CTNNA3: variants seen among roughly 807,000 people sequenced by gnomAD.
CTNNA3 encodes the protein catenin alpha-3.
In CTNNA3, 76 loss-of-function variants were observed where a neutral mutation model predicts 95.7. The observed-to-expected ratio is 0.79, with a 90% CI of 0.66 to 0.96. The LOEUF is 0.96. CTNNA3 is among the 40% of genes least tolerant of loss of function. The pLI, the probability that CTNNA3 is intolerant of heterozygous loss-of-function variation, is 0.00. For synonymous variants in CTNNA3, 431 were observed against 374.4 expected (o/e 1.15, Z -1.74); for missense variants, 1,191 against 1,089.8 (o/e 1.09, Z -1.31).
chr10:66,057,906 C>A (rs1257157622), intron 15 of CTNNA3, among the ~76,000 whole-genome samples: 1 of 151,698 alleles, frequency 6.6e-6, no homozygotes, highest in African/African-American at 2.4e-5. Flanking sequence ...GTATATTTAC[C>A]ACACATATGA....
intron 11 of CTNNA3, among the ~76,000 whole-genome samples, chr10:66,513,086 A>G (rs1440811623): frequency 3.3e-5 from 5 of 152,148 alleles, no homozygotes; most frequent in African/African-American, 1.2e-4. Context: ...TTCATTAAAT[A>G]AGTGGCCTAT....
At chr10:67,397,779 G>T (rs10159714) in intron 5 of CTNNA3, among the ~76,000 whole-genome samples, 10,247 of 152,268 alleles carry the variant, frequency 0.067, 481 homozygotes, top group African/African-American at 0.13. Context: ...TTGGGACTTG[G>T]TGCCCTGCAT....
intron 10 of CTNNA3, among the ~76,000 whole-genome samples, chr10:66,558,423 G>A (rs529895808): frequency 1.3e-5 from 2 of 152,212 alleles, no homozygotes; most frequent in Non-Finnish European, 2.9e-5. Flanking sequence ...ACTCTTTAAA[G>A]AGGTATATTG....
Position 66,724,831 on chromosome 10 carries a change from C to T in CTNNA3, c.1281+41433G>A, listed in dbSNP as rs555998299. 5.9e-5 allele frequency among the ~76,000 whole-genome samples: 9 copies of T among 152,246 alleles called. No homozygotes were observed. The East Asian group carries it at 1.5e-3, about 26-fold the overall frequency. On this transcript the variant is annotated intron_variant, in intron 9 of 17. Transcript: ENST00000433211. Reference sequence around the variant, plus strand: ...TAAATTAGAAAGTTAAACCTGTAATCAACAAATATGTGTATATGTAACCTA... The same window carrying T: ...TAAATTAGAAAGTTAAACCTGTAATTAACAAATATGTGTATATGTAACCTA...
rs1838887605 is a variant in CTNNA3 at position 67,269,894 on chromosome 10, T to C, written c.580-50024A>G. On this transcript the variant is annotated intron_variant, in intron 5 of 17. Transcript: ENST00000433211. ...GCATATCAAACCAATAATTTTCTGA[T>C]GCTGTTTTGGTATATCCTACAAACA... Among the ~76,000 whole-genome samples, 3 of 152,166 alleles carry C rather than the reference T, an allele frequency of 2.0e-5. No homozygotes were observed. In the South Asian group the frequency reaches 6.2e-4, roughly 31 times the overall value.
At chr10:66,800,646 C>T (rs1841394367) in intron 7 of CTNNA3, among the ~76,000 whole-genome samples, 1 of 151,036 alleles carries the variant, frequency 6.6e-6, no homozygotes, top group Non-Finnish European at 1.5e-5. Context: ...AAGAATATAA[C>T]ACAATTTTCT....
chr10:67,295,019 A>G (rs888738323), intron 5 of CTNNA3, among the ~76,000 whole-genome samples: 1 of 150,778 alleles, frequency 6.6e-6, no homozygotes. Flanking sequence ...AATGCCTTCA[A>G]CAACATCATA....
At chr10:67,275,936 G>A (rs1481037185) in intron 5 of CTNNA3, among the ~76,000 whole-genome samples, 1 of 152,040 alleles carries the variant, frequency 6.6e-6, no homozygotes, top group Non-Finnish European at 1.5e-5. Flanking sequence ...ACCTTAATAA[G>A]AATCCGAATG....
At chr10:67,195,087 A>C (rs1342737317) in intron 6 of CTNNA3, among the ~76,000 whole-genome samples, 1 of 151,146 alleles carries the variant, frequency 6.6e-6, no homozygotes, top group Non-Finnish European at 1.5e-5. Flanking sequence ...ACTTAAAATT[A>C]GCAGGGATGA....
intron 10 of CTNNA3, among the ~76,000 whole-genome samples, chr10:66,621,088 G>A (rs35786771): frequency 0.19 from 29,115 of 151,858 alleles, 3,099 homozygotes; most frequent in Non-Finnish European, 0.24. Flanking sequence ...CTGAATTACC[G>A]ACAAGAAAAT....
intron 7 of CTNNA3, among the ~76,000 whole-genome samples, chr10:66,953,061 C>T (rs1316040753): frequency 6.6e-6 from 1 of 152,076 alleles, no homozygotes; most frequent in African/African-American, 2.4e-5. Flanking sequence ...TGAGAAACAA[C>T]TCTAGTGTAC....
chr10:67,738,944 A>T (rs1421190597), intron 1 of CTNNA3, among the ~76,000 whole-genome samples: 1 of 152,232 alleles, frequency 6.6e-6, no homozygotes, highest in Non-Finnish European at 1.5e-5. Context: ...GGACTATGTG[A>T]AAAGACCAAA....
chr10:66,037,815 A>G (rs1286345370), intron 15 of CTNNA3, among the ~76,000 whole-genome samples: 1 of 152,022 alleles, frequency 6.6e-6, no homozygotes, highest in East Asian at 1.9e-4. Context: ...TAGAAAAGCT[A>G]TTTCTCTAGT....
At chr10:67,500,577 C>T (rs1239498290) in intron 5 of CTNNA3, among the ~76,000 whole-genome samples, 2 of 152,148 alleles carry the variant, frequency 1.3e-5, no homozygotes, top group African/African-American at 2.4e-5. Flanking sequence ...CTTTGTAGGG[C>T]TCTAAGAACT....
chr10:67,014,996 G>C (rs1362750741), intron 7 of CTNNA3, among the ~76,000 whole-genome samples: 1 of 151,844 alleles, frequency 6.6e-6, no homozygotes, highest in African/African-American at 2.4e-5. Context: ...TCAGGTAAAC[G>C]TTTCTTAAAC....
At chr10:67,593,182 G>T (rs2133351198) in intron 3 of CTNNA3, among the ~76,000 whole-genome samples, 1 of 152,234 alleles carries the variant, frequency 6.6e-6, no homozygotes, top group Middle Eastern at 3.4e-3. Context: ...GTAGTCTATG[G>T]TGTATACATG....
chr10:66,252,172 A>G (rs2090582858), intron 13 of CTNNA3, among the ~76,000 whole-genome samples: 1 of 152,170 alleles, frequency 6.6e-6, no homozygotes, highest in Non-Finnish European at 1.5e-5. Context: ...AAATGTTTCT[A>G]TGATGGTTAA....
chr10:67,195,002 G>C (rs747934237), intron 6 of CTNNA3, among the ~76,000 whole-genome samples: 1 of 151,868 alleles, frequency 6.6e-6, no homozygotes, highest in Non-Finnish European at 1.5e-5. Context: ...CTCCATGAAA[G>C]GTTGCTGATT....
intron 1 of CTNNA3, among the ~76,000 whole-genome samples, chr10:67,673,451 G>C (rs1161501393): frequency 6.6e-6 from 1 of 151,882 alleles, no homozygotes; most frequent in African/African-American, 2.4e-5. Flanking sequence ...TTTTCAAAGG[G>C]AATGCTTCCA....
Sources: allele counts gnomAD v4.1 joint callset (sites outside exome capture counted in the v4.1 genomes callset), GRCh38; gene constraint gnomAD v4.1.1; transcripts MANE v1.5; gene names NCBI Gene and HGNC (gene_info 2026-07-23, HGNC 2026-07-21).